Variants in KDELR2 observed in about 807,000 individuals in gnomAD.
The protein encoded by KDELR2 is KDEL endoplasmic reticulum protein retention receptor 2.
A neutral mutation model predicts 23.9 loss-of-function variants in KDELR2; 15 were observed. That is an observed-to-expected ratio of 0.63 (90% confidence interval 0.42 to 0.97). The LOEUF (loss-of-function observed/expected upper bound fraction) is 0.97, where lower values mean the gene tolerates loss of function less well. KDELR2 is among the 50% of genes least tolerant of loss of function. The probability of loss-of-function intolerance (pLI) is 0.00; values close to 1 mark genes in which losing one functional copy is unlikely to be tolerated. For synonymous variants in KDELR2, 119 were observed against 106.2 expected (o/e 1.12, Z -0.74); for missense variants, 272 against 254.6 (o/e 1.07, Z -0.46).
chr7:6,463,657 T>C (rs1220738202), intron 4 of KDELR2, among the ~76,000 whole-genome samples: 1 of 151,844 alleles, frequency 6.6e-6, no homozygotes, highest in Admixed American at 6.6e-5. Context: ...GGAGGATCAC[T>C]TGAGCCCAGG....
At chr7:6,480,246 G>C (rs1259717503) in intron 1 of KDELR2, among the ~76,000 whole-genome samples, 1 of 152,218 alleles carries the variant, frequency 6.6e-6, no homozygotes, top group African/African-American at 2.4e-5. Flanking sequence ...AGTAGATACA[G>C]CACTAATAAC....
intron 3 of KDELR2, 134 bp from the exon 4 acceptor site, chr7:6,466,457 A>C: frequency 2.9e-6 from 3 of 1,034,844 alleles, no homozygotes; most frequent in Non-Finnish European, 4.2e-6. Flanking sequence ...AAATAGAACA[A>C]CAGCTTGGCA....
intron 1 of KDELR2, among the ~76,000 whole-genome samples, chr7:6,477,688 T>C (rs1785784367): frequency 6.6e-6 from 1 of 152,162 alleles, no homozygotes; most frequent in Non-Finnish European, 1.5e-5. Flanking sequence ...CGAGATGGGG[T>C]CTCTCTCTGT....
rs770409478 is a variant in KDELR2 at position 6,466,326 on chromosome 7, G to A, written c.352-3C>T. On this transcript the variant is annotated splice_polypyrimidine_tract_variant and splice_region_variant and intron_variant, in intron 3 of 4. Transcript: ENST00000258739. ...TAGATGGAGAAGGTCCAGAGGATCT[G>A]GAAGAGAAATGGCAAGCTTCCATCA... The A allele has an allele frequency of 1.2e-6, 2 of 1,612,602 alleles. No individual in the cohort carries two copies. The highest frequency in any genetic ancestry group is 1.7e-6 in the Non-Finnish European group (2 of 1,179,236).
At chr7:6,473,970 C>A in intron 2 of KDELR2, 1 of 399,418 alleles carries the variant, frequency 2.5e-6, no homozygotes. Context: ...TTTTAATTAA[C>A]TACTGTTTTG....
At chr7:6,479,620 C>A (rs1408384524) in intron 1 of KDELR2, among the ~76,000 whole-genome samples, 2 of 152,056 alleles carry the variant, frequency 1.3e-5, no homozygotes. Context: ...GGGACTACAG[C>A]CGCCCGCCAC....
At chr7:6,482,688 G>A (rs1477924822) in intron 1 of KDELR2, 5 of 342,002 alleles carry the variant, frequency 1.5e-5, no homozygotes, top group African/African-American at 1.1e-4. Flanking sequence ...GATAATTCAG[G>A]ATCATCTTTT....
rs990238305 is a variant in KDELR2 at position 6,462,081 on chromosome 7, T to TAAAAC, written c.*1055_*1059dup. On this transcript the variant is annotated 3_prime_UTR_variant, in exon 5 of 5. Coordinates refer to ENST00000258739, the MANE Select transcript of KDELR2 (RefSeq NM_006854.4). Reference sequence around the variant, plus strand: ...TAACATAAGTCATGCAACAGCTCTGTAAAACAAAACAAAACAAGAAACTAC... The same window carrying TAAAAC: ...TAACATAAGTCATGCAACAGCTCTGTAAAACAAAACAAAACAAAACAAGAAACTAC... 1.4e-4 allele frequency: 21 copies of TAAAAC among 151,864 alleles called. No homozygotes were observed. Among genetic ancestry groups the TAAAAC allele is most frequent in the Non-Finnish European group, 2.9e-4 (20 of 67,992 alleles). The allele number at this position is 151,864 out of a possible 1,614,324, so 9.4% of individuals were successfully genotyped here.
intron 1 of KDELR2, among the ~76,000 whole-genome samples, chr7:6,480,416 C>T (rs1056134757): frequency 3.3e-5 from 5 of 152,208 alleles, no homozygotes; most frequent in African/African-American, 1.2e-4. Context: ...GAGAAACTCA[C>T]ATTCCATGTT....
At chr7:6,483,288 A>T (rs900494834) in intron 1 of KDELR2, among the ~76,000 whole-genome samples, 1 of 152,358 alleles carries the variant, frequency 6.6e-6, no homozygotes, top group African/African-American at 2.4e-5. Flanking sequence ...TTCCCAAAGC[A>T]GCATTAATTA....
chr7:6,476,615 G>A (rs1391793925), intron 1 of KDELR2, among the ~76,000 whole-genome samples: 1 of 152,180 alleles, frequency 6.6e-6, no homozygotes, highest in African/African-American at 2.4e-5. Flanking sequence ...ATTTGAAATT[G>A]TGTCCTCATT....
intron 1 of KDELR2, among the ~76,000 whole-genome samples, chr7:6,476,726 G>A (rs569873871): frequency 4.6e-5 from 7 of 152,264 alleles, no homozygotes; most frequent in African/African-American, 1.7e-4. Flanking sequence ...TGTCATCTCT[G>A]AAGATACCCT....
chr7:6,479,651 G>A (rs1785844878), intron 1 of KDELR2, among the ~76,000 whole-genome samples: 1 of 151,970 alleles, frequency 6.6e-6, no homozygotes, highest in South Asian at 2.1e-4. Flanking sequence ...TAATTTTTTT[G>A]TATTTTTAAT....
rs1366114208 is a variant in KDELR2 at position 6,466,096 on chromosome 7, G to A, written c.579C>T (p.Asp193=). 1 of 1,614,006 alleles carries A rather than the reference G, an allele frequency of 6.2e-7. No homozygotes were observed. Among genetic ancestry groups the A allele is most frequent in the Non-Finnish European group, 8.5e-7 (1 of 1,180,032 alleles). ...AGVVQTILYC[D]FFYLYITKVL... ...CTTTTGTAATGTACAAGTAGAAGAAGTCACAGTATAGGATGGTCTGGACTA... is the reference window on the plus strand; with the variant it reads ...CTTTTGTAATGTACAAGTAGAAGAAATCACAGTATAGGATGGTCTGGACTA... The change falls in exon 4 of 5, where the codon GAC becomes GAT. Residue 193 remains aspartate, a synonymous_variant. Transcript: ENST00000258739.
At chr7:6,471,135 AAAT>A (rs1259105709) in intron 2 of KDELR2, among the ~76,000 whole-genome samples, 5 of 149,148 alleles carry the variant, frequency 3.4e-5, no homozygotes, top group South Asian at 2.1e-4. Flanking sequence ...AAAAATAAAT[AAAT>A]AAATAAATAA....
At chr7:6,474,074 G>C (rs1785706445) in intron 2 of KDELR2, 110 bp downstream of exon 2, 2 of 688,044 alleles carry the variant, frequency 2.9e-6, no homozygotes, top group Admixed American at 5.3e-5. Context: ...AGCATATTAA[G>C]ACATTATTTT....
At chr7:6,468,568 C>T (rs1399794486) in intron 3 of KDELR2, among the ~76,000 whole-genome samples, 9 of 152,086 alleles carry the variant, frequency 5.9e-5, no homozygotes, top group Admixed American at 2.0e-4. Flanking sequence ...TGCAGTAGCG[C>T]GATCTTGGCT....
chr7:6,478,662 A>G (rs1785810489), intron 1 of KDELR2, among the ~76,000 whole-genome samples: 2 of 152,214 alleles, frequency 1.3e-5, no homozygotes, highest in African/African-American at 4.8e-5. Flanking sequence ...TTCTGAATTA[A>G]GAAATCAATT....
intron 4 of KDELR2, among the ~76,000 whole-genome samples, chr7:6,464,579 C>T (rs902196198): frequency 6.6e-6 from 1 of 151,920 alleles, no homozygotes; most frequent in African/African-American, 2.4e-5. Flanking sequence ...GTAATCTCAG[C>T]TACTCGGGAG....
Sources: allele counts gnomAD v4.1 joint callset (sites outside exome capture counted in the v4.1 genomes callset), GRCh38; gene constraint gnomAD v4.1.1; transcripts MANE v1.5; gene names NCBI Gene and HGNC (gene_info 2026-07-23, HGNC 2026-07-21).